The following PRKAG2 variants were observed in gnomAD, a reference collection of about 807,000 sequenced individuals.
PRKAG2 encodes 5'-AMP-activated protein kinase subunit gamma-2.
A neutral mutation model predicts 69.6 loss-of-function variants in PRKAG2; 26 were observed. The observed-to-expected ratio is 0.37, with a 90% CI of 0.27 to 0.52. The LOEUF (loss-of-function observed/expected upper bound fraction) is 0.52. PRKAG2 is among the 20% of genes least tolerant of loss of function. The pLI, the probability that PRKAG2 is intolerant of heterozygous loss-of-function variation, is 0.90. For synonymous variants in PRKAG2, 293 were observed against 285.0 expected (o/e 1.03, Z -0.28); for missense variants, 557 against 740.0 (o/e 0.75, Z 2.87).
chr7:151,816,257 T>C (rs1223709375), intron 1 of PRKAG2, among the ~76,000 whole-genome samples: 2 of 152,122 alleles, frequency 1.3e-5, no homozygotes, highest in African/African-American at 4.8e-5. Context: ...TGTGGCCAGA[T>C]AGCTCTAAGA....
Position 151,638,048 on chromosome 7 carries a change from T to C in PRKAG2, c.685-5910A>G, listed in dbSNP as rs1291494558. On this transcript the variant is annotated intron_variant, in intron 4 of 15. Coordinates refer to ENST00000287878, the MANE Select transcript of PRKAG2 (RefSeq NM_016203.4). The surrounding 1 kb of genome is among the most constrained non-coding windows in gnomAD (Gnocchi z 4.3). ...CTCAGTCCATCAGCATCAGGGATGTTTGATGTAGCAAAAACAGACCAAATC... is the reference window on the plus strand; with the variant it reads ...CTCAGTCCATCAGCATCAGGGATGTCTGATGTAGCAAAAACAGACCAAATC... Among the ~76,000 whole-genome samples, 1 of 152,112 alleles carries C rather than the reference T, an allele frequency of 6.6e-6. No homozygotes were observed. The highest frequency in any genetic ancestry group is 2.4e-5 in the African/African-American group (1 of 41,394).
chr7:151,871,949 G>T (rs1262945879), intron 1 of PRKAG2, among the ~76,000 whole-genome samples: 2 of 152,172 alleles, frequency 1.3e-5, no homozygotes, highest in Non-Finnish European at 2.9e-5. Context: ...CCAGTCACAG[G>T]CCAGCCAGGG....
chr7:151,752,679 T>C (rs2074784274), intron 3 of PRKAG2, among the ~76,000 whole-genome samples: 1 of 152,202 alleles, frequency 6.6e-6, no homozygotes, highest in Non-Finnish European at 1.5e-5. Context: ...AACCTGTTCT[T>C]TAAAGTAGCA....
chr7:151,803,937 C>CAAA (rs71198732), intron 1 of PRKAG2, among the ~76,000 whole-genome samples: 3 of 107,026 alleles, frequency 2.8e-5, no homozygotes, highest in African/African-American at 6.6e-5. Context: ...GACTATGTCT[C>CAAA]AAAAAAAAAA....
intron 1 of PRKAG2, among the ~76,000 whole-genome samples, chr7:151,847,584 G>C (rs192379043): frequency 6.6e-6 from 1 of 152,082 alleles, no homozygotes; most frequent in Non-Finnish European, 1.5e-5. Flanking sequence ...ACTCATCCTG[G>C]GGCACTGCTC....
At chr7:151,653,370 A>C (rs77298705) in intron 4 of PRKAG2, among the ~76,000 whole-genome samples, 35 of 152,332 alleles carry the variant, frequency 2.3e-4, no homozygotes, top group African/African-American at 8.4e-4. Context: ...TTAGATCGAA[A>C]ACAGGAAAAA....
At chr7:151,845,752 TG>T (rs1290915161) in intron 1 of PRKAG2, among the ~76,000 whole-genome samples, 2 of 152,136 alleles carry the variant, frequency 1.3e-5, no homozygotes, top group Non-Finnish European at 1.5e-5. Flanking sequence ...CCCAAAACAC[TG>T]CGGGGGCGGG....
At chr7:151,582,936 A>G (rs1810831376) in intron 6 of PRKAG2, among the ~76,000 whole-genome samples, 1 of 152,236 alleles carries the variant, frequency 6.6e-6, no homozygotes, top group Non-Finnish European at 1.5e-5. Context: ...GATGTTCAGT[A>G]TGGTGCTCAG....
At chr7:151,866,999 G>A (rs559150556) in intron 1 of PRKAG2, among the ~76,000 whole-genome samples, 25 of 152,292 alleles carry the variant, frequency 1.6e-4, no homozygotes, top group African/African-American at 5.3e-4. Context: ...CCTCTGTCAC[G>A]TTACGTTGGT....
At chr7:151,801,510 A>T (rs183087490) in intron 1 of PRKAG2, among the ~76,000 whole-genome samples, 15 of 152,296 alleles carry the variant, frequency 9.8e-5, no homozygotes, top group Middle Eastern at 3.4e-3. Flanking sequence ...GAATGTCTGG[A>T]GCTGGGGGAC....
chr7:151,708,928 T>C (rs1226937333), intron 3 of PRKAG2, among the ~76,000 whole-genome samples: 1 of 152,092 alleles, frequency 6.6e-6, no homozygotes, highest in African/African-American at 2.4e-5. Context: ...ACGCCACTGC[T>C]CTCGTCAGAG....
intron 5 of PRKAG2, among the ~76,000 whole-genome samples, chr7:151,595,674 G>A (rs1441871944): frequency 3.3e-5 from 5 of 152,056 alleles, no homozygotes; most frequent in Non-Finnish European, 5.9e-5. Context: ...AAAAATGAAA[G>A]GCATACATGT....
intron 15 of PRKAG2, chr7:151,560,013 G>A: frequency 1.0e-6 from 1 of 985,236 alleles, no homozygotes; most frequent in African/African-American, 1.7e-5. Flanking sequence ...AAGTGAATCT[G>A]TCAAAAAATG....
rs149785906 is a variant in PRKAG2 at position 151,602,063 on chromosome 7, G to A, written c.755-6609C>T. ...TGAAACAGCAAGCTCTCATGAGAGCGGCACAGAGAGATCTGGTCCGTGTCC... is the reference window on the plus strand; with the variant it reads ...TGAAACAGCAAGCTCTCATGAGAGCAGCACAGAGAGATCTGGTCCGTGTCC... On this transcript the variant is annotated intron_variant, in intron 5 of 15. Transcript: ENST00000287878. Among the ~76,000 whole-genome samples, 197 of 152,360 alleles carry A rather than the reference G, an allele frequency of 1.3e-3. 1 individual carries two copies. The highest frequency in any genetic ancestry group is 1.9e-3 in the Non-Finnish European group (127 of 68,036).
rs1001773977 is a variant in PRKAG2 at position 151,632,351 on chromosome 7, C to A, written c.685-213G>T. ...CCGCCGCCGCCGCAGGTGGCGCGGC[C>A]GCGGCCCGCGTGCCCCTCCGCGAGT... On this transcript the variant is annotated intron_variant, in intron 4 of 15. Transcript: ENST00000287878. The surrounding 1 kb of genome is among the most constrained non-coding windows in gnomAD (Gnocchi z 4.2). The A allele has an allele frequency of 1.8e-6, 1 of 569,306 alleles. No individual in the cohort carries two copies. The highest frequency in any genetic ancestry group is 7.6e-5 in the South Asian group (1 of 13,226). 35.3% of individuals were successfully genotyped at this position (569,306 alleles called of 1,614,324 possible).
At chr7:151,675,389 C>T (rs988716320) in intron 4 of PRKAG2, 31 bp downstream of exon 4, 2 of 1,597,878 alleles carry the variant, frequency 1.3e-6, no homozygotes, top group Non-Finnish European at 1.7e-6. Flanking sequence ...TGCCACCCGG[C>T]AGCCCCACCC....
chr7:151,848,512 CTTTTTT>C (rs1158559692), intron 1 of PRKAG2, among the ~76,000 whole-genome samples: 9 of 62,248 alleles, frequency 1.4e-4, no homozygotes, highest in Non-Finnish European at 2.0e-4. Context: ...TACTGCATGT[CTTTTTT>C]TTTTTTTTTT....
chr7:151,672,413 A>G (rs1420627834), intron 4 of PRKAG2, among the ~76,000 whole-genome samples: 1 of 152,182 alleles, frequency 6.6e-6, no homozygotes, highest in African/African-American at 2.4e-5. Context: ...AACGATTTTC[A>G]AGTGTACAGT....
chr7:151,750,454 T>C (rs1408795722), intron 3 of PRKAG2, among the ~76,000 whole-genome samples: 1 of 152,216 alleles, frequency 6.6e-6, no homozygotes, highest in African/African-American at 2.4e-5. Flanking sequence ...TGCCACAAAG[T>C]AGATCGACTT....
Sources: gnomAD v4.1 joint callset for allele counts (sites outside exome capture counted in the v4.1 genomes callset) on GRCh38, gnomAD v4.1.1 for gene constraint, Gnocchi (gnomAD v3.1) non-coding constraint, MANE v1.5 for transcripts, NCBI Gene and HGNC (gene_info 2026-07-23, HGNC 2026-07-21) for gene names.